Variants in SYNE2 observed in about 807,000 individuals in gnomAD.
SYNE2 encodes spectrin repeat containing nuclear envelope protein 2, also known as nesprin-2.
SYNE2 carries 431 observed loss-of-function variants against 856.3 expected under a neutral mutation model. The observed-to-expected ratio is 0.50, with a 90% CI of 0.47 to 0.55. The LOEUF (loss-of-function observed/expected upper bound fraction) is 0.55, where lower values mean the gene tolerates loss of function less well. Ranked by LOEUF, SYNE2 falls within the 20% of genes least tolerant of loss-of-function variation. SYNE2 has a pLI of 0.00. For missense variants in SYNE2, 8,129 were observed against 8,023.2 expected (o/e 1.01, Z -0.50); for synonymous variants, 2,923 against 2,872.3 (o/e 1.02, Z -0.56).
At position 64,098,044 on chromosome 14, in the gene SYNE2, C is replaced by T. The variant is rs1241858495; in HGVS notation, c.12204C>T (p.His4068=). ...TGAAGGCCACCGTACTAAACCTTCA[C>T]CAGCATTTGAAGCAAGAACAAGAAG... The part of the protein sequence containing the change: ...VDLKATVLNL[H]QHLKQEQEGV... The change falls in exon 62 of 116, where the codon CAC becomes CAT. Residue 4068 remains histidine, a synonymous_variant. Transcript: ENST00000555002. 5 of 1,614,164 alleles carry T rather than the reference C, an allele frequency of 3.1e-6. No individual in the cohort carries two copies. The highest frequency in any genetic ancestry group is 4.2e-6 in the Non-Finnish European group (5 of 1,180,030).
chr14:64,211,642 T>G (rs1596257861), intron 103 of SYNE2, among the ~76,000 whole-genome samples: 1 of 152,240 alleles, frequency 6.6e-6, no homozygotes, highest in South Asian at 2.1e-4. Flanking sequence ...AATCACTGAT[T>G]TGGACTAGAG....
At chr14:64,209,662 T>G (rs1218909061) in intron 102 of SYNE2, 84 bp downstream of exon 102, 1 of 1,573,732 alleles carries the variant, frequency 6.4e-7, no homozygotes, top group Non-Finnish European at 8.6e-7. Context: ...TTCCTCTAAG[T>G]AGCCAGCTTC....
At chr14:63,861,010 A>G (rs958273418) in intron 1 of SYNE2, among the ~76,000 whole-genome samples, 3 of 152,182 alleles carry the variant, frequency 2.0e-5, no homozygotes, top group Non-Finnish European at 2.9e-5. Context: ...TCTGTGTTTA[A>G]TAAGCCTTCT....
At chr14:63,924,709 A>G (rs1271446196) in intron 2 of SYNE2, among the ~76,000 whole-genome samples, 1 of 151,890 alleles carries the variant, frequency 6.6e-6, no homozygotes, top group Non-Finnish European at 1.5e-5. Context: ...TTTAGCTTGT[A>G]TCTTGCAGCC....
At chr14:63,857,023 G>A (rs1891964823) in intron 1 of SYNE2, among the ~76,000 whole-genome samples, 1 of 152,136 alleles carries the variant, frequency 6.6e-6, no homozygotes, top group African/African-American at 2.4e-5. Context: ...TCCCACCTCA[G>A]CCTCCCAAAG....
intron 57 of SYNE2, chr14:64,084,982 C>T: frequency 1.4e-6 from 1 of 702,380 alleles, no homozygotes; most frequent in Non-Finnish European, 2.6e-6. Flanking sequence ...TGGGCTCCTC[C>T]AGGAGTCTGC....
At chr14:63,820,052 G>A (rs935157739) in intron 1 of SYNE2, among the ~76,000 whole-genome samples, 8 of 151,232 alleles carry the variant, frequency 5.3e-5, no homozygotes, top group African/African-American at 1.9e-4. Flanking sequence ...AAAATCATGA[G>A]CCAAAAAAAG....
chr14:64,119,311 T>C, intron 66 of SYNE2, 116 bp from the exon 67 acceptor site: 1 of 1,347,888 alleles, frequency 7.4e-7, no homozygotes, highest in Non-Finnish European at 1.0e-6. Context: ...TTCCATCCTG[T>C]GTTTCTGGGA....
chr14:63,769,961 C>T (rs993364039), intron 1 of SYNE2, among the ~76,000 whole-genome samples: 19 of 151,894 alleles, frequency 1.3e-4, no homozygotes, highest in African/African-American at 4.3e-4. Flanking sequence ...GTTGTCCTGA[C>T]TGGAGTGCAG....
In SYNE2 at chr14:63,869,094, C is replaced by G. The variant is rs984364998; in HGVS notation, c.-52+15951C>G. 2.0e-5 allele frequency among the ~76,000 whole-genome samples: 3 copies of G among 152,186 alleles called. No homozygotes were observed. In the East Asian group the frequency reaches 5.8e-4, roughly 29 times the overall value. ...TGGAGAATGAAACTCCCTTGACACT[C>G]TTCAGGTAACAAGGAGAACCACACA... is the stretch of plus-strand genomic sequence containing the variant. On this transcript the variant is annotated intron_variant, in intron 1 of 115. Coordinates refer to ENST00000555002, the MANE Select transcript of SYNE2 (RefSeq NM_182914.3).
intron 94 of SYNE2, among the ~76,000 whole-genome samples, chr14:64,171,582 A>G (rs1002175326): frequency 3.3e-5 from 5 of 152,210 alleles, no homozygotes; most frequent in Admixed American, 2.6e-4. Context: ...CCAGCCATGC[A>G]AGATCTAAGG....
intron 11 of SYNE2, among the ~76,000 whole-genome samples, chr14:63,974,972 T>A (rs1480584613): frequency 6.9e-6 from 1 of 145,324 alleles, no homozygotes; most frequent in Non-Finnish European, 1.5e-5. Flanking sequence ...AGTGGTGCGA[T>A]CTTGGCTCAC....
intron 83 of SYNE2, 98 bp from the exon 84 acceptor site, chr14:64,145,970 T>C (rs2098182652): frequency 1.2e-6 from 1 of 850,934 alleles, no homozygotes; most frequent in African/African-American, 1.8e-5. Flanking sequence ...ATTAGAAATT[T>C]GAAAAGAAGC....
chr14:63,846,046 T>G, intron 1 of SYNE2, among the ~76,000 whole-genome samples: 1 of 145,684 alleles, frequency 6.9e-6, no homozygotes. Flanking sequence ...ACCTGCCCTT[T>G]TTTTTTTTTT....
intron 1 of SYNE2, among the ~76,000 whole-genome samples, chr14:63,832,993 G>A (rs1370250007): frequency 1.3e-5 from 2 of 151,328 alleles, no homozygotes; most frequent in Admixed American, 6.6e-5. Flanking sequence ...CTCCAGCCTG[G>A]GTGACAGAGG....
At chr14:63,815,093 C>T (rs1158402897) in intron 1 of SYNE2, among the ~76,000 whole-genome samples, 3 of 114,156 alleles carry the variant, frequency 2.6e-5, no homozygotes, top group African/African-American at 1.0e-4. Context: ...TATATATGCA[C>T]ATATATATCC....
chr14:64,081,594 C>A lies in SYNE2; in HGVS notation c.11484+14C>A, dbSNP rs769706668. 1.4e-5 allele frequency: 22 copies of A among 1,613,566 alleles called. No homozygotes were observed. The highest frequency in any genetic ancestry group is 1.9e-5 in the Non-Finnish European group (22 of 1,179,874). ...AGCACTGTGCAGGTAAGTGTTCTTC[C>A]AGGTTTTCTGCCACTCATAGCATCT... is the stretch of plus-strand genomic sequence containing the variant. On this transcript the variant is annotated intron_variant, in intron 57 of 115. Transcript: ENST00000555002.
At chr14:64,167,188 T>C (rs2098384804) in intron 90 of SYNE2, 45 bp from the exon 91 acceptor site, 2 of 1,612,758 alleles carry the variant, frequency 1.2e-6, no homozygotes, top group Admixed American at 1.7e-5. Context: ...CATCTAGATA[T>C]CTTATTGGCA....
chr14:63,853,671 G>A (rs1890985306), intron 1 of SYNE2, among the ~76,000 whole-genome samples: 1 of 151,468 alleles, frequency 6.6e-6, no homozygotes, highest in South Asian at 2.1e-4. Flanking sequence ...TGCTCGCCCC[G>A]GGGACCCGGG....
Sources: allele counts gnomAD v4.1 joint callset (sites outside exome capture counted in the v4.1 genomes callset), GRCh38; gene constraint gnomAD v4.1.1; transcripts MANE v1.5; gene names NCBI Gene and HGNC (gene_info 2026-07-23, HGNC 2026-07-21).